MCPH1: variants seen among roughly 807,000 people sequenced by gnomAD.
The protein encoded by MCPH1 is microcephalin 1, also known as microcephalin.
A neutral mutation model predicts 84.5 loss-of-function variants in MCPH1; 104 were observed. The observed-to-expected ratio is 1.23, with a 90% CI of 1.05 to 1.45. The LOEUF (loss-of-function observed/expected upper bound fraction) is 1.45. Among genes scored for constraint, MCPH1 ranks in the 40% most tolerant of loss-of-function variants. The pLI, the probability that MCPH1 is intolerant of heterozygous loss-of-function variation, is 0.00. For synonymous variants in MCPH1, 514 were observed against 366.8 expected (o/e 1.40, Z -4.58); for missense variants, 1,498 against 1,005.7 (o/e 1.49, Z -6.62).
intron 12 of MCPH1, among the ~76,000 whole-genome samples, chr8:6,597,379 T>G (rs937546156): frequency 6.6e-6 from 1 of 152,208 alleles, no homozygotes; most frequent in Non-Finnish European, 1.5e-5. Flanking sequence ...AAGAGATTCC[T>G]TAAAGCCAGG....
rs775942126 is a variant in MCPH1 at position 6,414,866 on chromosome 8, G to C, written c.216G>C (p.Ser72=). Residue 72 remains serine, a synonymous_variant, in exon 3 of 14, where the codon TCG becomes TCC. Coordinates refer to ENST00000344683, the MANE Select transcript of MCPH1 (RefSeq NM_024596.5). ...KAQKRGVKLV[S]VLWVEKCRTA... ...AGAAGAGAGGCGTAAAGCTCGTTTC[G>C]GTGCTCTGGGTGGAAAAGTAAGCAG... 5.6e-6 allele frequency: 9 copies of C among 1,613,394 alleles called. No homozygotes were observed. The highest frequency in any genetic ancestry group is 2.2e-5 in the East Asian group (1 of 44,864).
chr8:6,516,730 A>G (rs1001876746), intron 12 of MCPH1, among the ~76,000 whole-genome samples: 2 of 152,202 alleles, frequency 1.3e-5, no homozygotes, highest in African/African-American at 2.4e-5. Flanking sequence ...GGTTGAAAGC[A>G]TTGACGTGGC....
intron 10 of MCPH1, among the ~76,000 whole-genome samples, chr8:6,479,673 C>T (rs1808942227): frequency 1.3e-5 from 2 of 151,944 alleles, no homozygotes; most frequent in Admixed American, 6.6e-5. Context: ...CTTAGAAAGC[C>T]CTCCATTGGG....
chr8:6,603,727 G>C (rs1299094924), intron 12 of MCPH1, among the ~76,000 whole-genome samples: 1 of 152,158 alleles, frequency 6.6e-6, no homozygotes, highest in African/African-American at 2.4e-5. Flanking sequence ...GTTGTGCAAG[G>C]TTTTAAGAAG....
At chr8:6,477,674 CT>C in intron 10 of MCPH1, 43 bp downstream of exon 10, 1 of 1,540,272 alleles carries the variant, frequency 6.5e-7, no homozygotes, top group Non-Finnish European at 9.0e-7. Flanking sequence ...AAATGTTAAC[CT>C]TTTCTCTCTT....
intron 12 of MCPH1, among the ~76,000 whole-genome samples, chr8:6,556,085 C>T (rs922046648): frequency 8.6e-5 from 13 of 151,958 alleles, no homozygotes; most frequent in South Asian, 2.1e-4. Context: ...TCCCAGTGGG[C>T]GAGAATTGCT....
intron 12 of MCPH1, among the ~76,000 whole-genome samples, chr8:6,569,407 T>A (rs568072440): frequency 1.3e-5 from 2 of 152,330 alleles, no homozygotes; most frequent in East Asian, 3.9e-4. Flanking sequence ...CATCAACCAT[T>A]TCCATTCCCC....
intron 12 of MCPH1, among the ~76,000 whole-genome samples, chr8:6,560,238 C>T (rs1825321721): frequency 6.6e-6 from 1 of 152,078 alleles, no homozygotes; most frequent in African/African-American, 2.4e-5. Context: ...CAAAAAATAG[C>T]TCAAAAGAAA....
Position 6,609,038 on chromosome 8 carries a change from G to A in MCPH1, c.2215-12416G>A, listed in dbSNP as rs542116691. On this transcript the variant is annotated intron_variant, in intron 12 of 13. Coordinates refer to ENST00000344683, the MANE Select transcript of MCPH1 (RefSeq NM_024596.5). The stretch of plus-strand genomic sequence containing the variant: ...TGGGGGTGGCCCTGCCCAAATTCTC[G>A]CCTAAAACCCCAACTTTCAATGACA... 1.1e-4 allele frequency among the ~76,000 whole-genome samples: 16 copies of A among 152,238 alleles called. No individual in the cohort carries two copies. The South Asian group carries it at 2.5e-3, about 24-fold the overall frequency.
chr8:6,456,531 G>A (rs898389867), intron 9 of MCPH1, among the ~76,000 whole-genome samples: 13 of 152,040 alleles, frequency 8.6e-5, no homozygotes, highest in Admixed American at 6.5e-4. Flanking sequence ...CTGATGCGTC[G>A]CATGGCACCA....
At chr8:6,542,119 C>A (rs567031466) in intron 12 of MCPH1, among the ~76,000 whole-genome samples, 6 of 152,136 alleles carry the variant, frequency 3.9e-5, no homozygotes, top group Admixed American at 3.9e-4. Context: ...CCAGGAACTT[C>A]CTTTTTAAAT....
chr8:6,624,313 C>G (rs1831832083), intron 13 of MCPH1, among the ~76,000 whole-genome samples: 1 of 152,224 alleles, frequency 6.6e-6, no homozygotes, highest in Non-Finnish European at 1.5e-5. Context: ...TGCCTGTGCC[C>G]TTGGTAACAT....
At chr8:6,606,407 T>C (rs1829775498) in intron 12 of MCPH1, among the ~76,000 whole-genome samples, 1 of 152,224 alleles carries the variant, frequency 6.6e-6, no homozygotes, top group African/African-American at 2.4e-5. Context: ...AACCAAACCA[T>C]GGCTTTGAGT....
intron 12 of MCPH1, among the ~76,000 whole-genome samples, chr8:6,614,258 G>A (rs1036715622): frequency 1.3e-4 from 20 of 152,186 alleles, no homozygotes; most frequent in African/African-American, 4.3e-4. Flanking sequence ...CCAAAGCTTG[G>A]CCGCTCGGAC....
chr8:6,518,291 G>A (rs1017090957), intron 12 of MCPH1, among the ~76,000 whole-genome samples: 4 of 152,190 alleles, frequency 2.6e-5, no homozygotes, highest in African/African-American at 9.7e-5. Flanking sequence ...ACAGACAATG[G>A]CATGCACAGA....
rs984477291 is a variant in MCPH1, at chr8:6,643,367, C to T, written c.*318C>T. 8 of 364,002 alleles carry T rather than the reference C, an allele frequency of 2.2e-5. No individual in the cohort carries two copies. The highest frequency in any genetic ancestry group is 7.8e-5 in the South Asian group (3 of 38,286). The allele number at this position is 364,002 out of a possible 1,614,324, so 22.5% of individuals were successfully genotyped here. On this transcript the variant is annotated 3_prime_UTR_variant, in exon 14 of 14. Transcript: ENST00000344683. ...GCAACCTCCACCTCCCAGGTTCAAG[C>T]GATTCTGCTGCCTCAGCCTCCTGAG...
intron 8 of MCPH1, among the ~76,000 whole-genome samples, chr8:6,449,503 C>T (rs969044057): frequency 6.6e-6 from 1 of 152,096 alleles, no homozygotes; most frequent in Non-Finnish European, 1.5e-5. Flanking sequence ...CGTGGTGGCA[C>T]ATGCCTATAA....
chr8:6,491,650 G>C (rs1043398269), intron 11 of MCPH1, among the ~76,000 whole-genome samples: 1 of 151,632 alleles, frequency 6.6e-6, no homozygotes, highest in African/African-American at 2.4e-5. Context: ...AACAGGCCCT[G>C]GTGTGTGATG....
At chr8:6,566,829 TG>T (rs1826203798) in intron 12 of MCPH1, among the ~76,000 whole-genome samples, 1 of 121,508 alleles carries the variant, frequency 8.2e-6, no homozygotes, top group African/African-American at 3.2e-5. Context: ...CCATGGATAG[TG>T]AGTGCACACG....
Sources: gnomAD v4.1 joint callset for allele counts (sites outside exome capture counted in the v4.1 genomes callset) on GRCh38, gnomAD v4.1.1 for gene constraint, MANE v1.5 for transcripts, NCBI Gene and HGNC (gene_info 2026-07-23, HGNC 2026-07-21) for gene names.